Variants in SUMF1 observed in about 807,000 individuals in gnomAD.
The protein encoded by SUMF1 is sulfatase modifying factor 1.
A neutral mutation model predicts 47.6 loss-of-function variants in SUMF1; 48 were observed. That is an observed-to-expected ratio of 1.01 (90% CI 0.80 to 1.28). The LOEUF is 1.28. SUMF1 is among the 50% of genes most tolerant of loss of function. The pLI, the probability that SUMF1 is intolerant of heterozygous loss-of-function variation, is 0.00. For missense variants in SUMF1, 571 were observed against 485.4 expected (o/e 1.18, Z -1.66); for synonymous variants, 230 against 192.1 (o/e 1.20, Z -1.63).
chr3:4,367,437 T>G lies in SUMF1; in HGVS notation c.1015-5183A>C, dbSNP rs1330180260. The stretch of plus-strand genomic sequence containing the variant: ...AAGGTAATTTATAGATTCAATGCCA[T>G]CCCCATCAAGCTACCAATGACTTTC... On this transcript the variant is annotated intron_variant, in intron 8 of 8. Coordinates refer to ENST00000272902, the MANE Select transcript of SUMF1 (RefSeq NM_182760.4). Among the ~76,000 whole-genome samples, 5 of 152,014 alleles carry G rather than the reference T, an allele frequency of 3.3e-5. No individual in the cohort carries two copies. In the South Asian group the frequency reaches 1.0e-3, roughly 31 times the overall value.
At chr3:4,313,657 T>G in intron 8 of SUMF1, 1 of 1,614,074 alleles carries the variant, frequency 6.2e-7, no homozygotes, top group Non-Finnish European at 8.5e-7. Context: ...TTCTCTGTAC[T>G]GCCCCGTAGA....
At chr3:4,147,481 C>G (rs1694222464) in intron 8 of SUMF1, among the ~76,000 whole-genome samples, 1 of 152,058 alleles carries the variant, frequency 6.6e-6, no homozygotes, top group African/African-American at 2.4e-5. Context: ...GGTGAGAAAT[C>G]TGAATCTTAG....
chr3:4,280,957 C>G (rs531102175), intron 8 of SUMF1, among the ~76,000 whole-genome samples: 1 of 151,960 alleles, frequency 6.6e-6, no homozygotes, highest in Admixed American at 6.6e-5. Context: ...AACCTGATCA[C>G]CTGCAAAGAC....
chr3:4,335,532 A>C (rs1041212370), intron 8 of SUMF1, among the ~76,000 whole-genome samples: 6 of 152,128 alleles, frequency 3.9e-5, no homozygotes, highest in Admixed American at 6.5e-5. Context: ...AACTCCCATA[A>C]AGGAGTTCTG....
intron 8 of SUMF1, among the ~76,000 whole-genome samples, chr3:4,228,050 T>C (rs962185920): frequency 1.3e-5 from 2 of 151,512 alleles, no homozygotes; most frequent in African/African-American, 4.9e-5. Context: ...TGGGAAAGAG[T>C]TTCCTGCAGG....
chr3:4,247,756 A>G (rs2125004986), intron 8 of SUMF1, among the ~76,000 whole-genome samples: 1 of 152,352 alleles, frequency 6.6e-6, no homozygotes, highest in Admixed American at 6.5e-5. Flanking sequence ...GAAGAATACA[A>G]GCAGAAAAAT....
Position 4,086,892 on chromosome 3 carries a change from C to T in SUMF1, c.1015-18147G>A, listed in dbSNP as rs555331310. On this transcript the variant is annotated intron_variant and NMD_transcript_variant, in intron 8 of 12. Transcript: ENST00000448413. The stretch of plus-strand genomic sequence containing the variant: ...GCTGCCACATAAGACATGCCTCTTG[C>T]CTTCCACCATGATTATGAGGCCTCC... Among the ~76,000 whole-genome samples the T allele has an allele frequency of 3.3e-5, 5 of 152,186 alleles. No individual in the cohort carries two copies. In the South Asian group the frequency reaches 1.0e-3, roughly 32 times the overall value.
chr3:4,136,602 A>G (rs1693938360), intron 8 of SUMF1, among the ~76,000 whole-genome samples: 2 of 152,082 alleles, frequency 1.3e-5, no homozygotes, highest in Admixed American at 1.3e-4. Context: ...AATGGCAACA[A>G]AAGCCAAAAT....
chr3:4,436,163 T>C (rs1171944055), intron 3 of SUMF1, among the ~76,000 whole-genome samples: 1 of 152,096 alleles, frequency 6.6e-6, no homozygotes, highest in African/African-American at 2.4e-5. Flanking sequence ...TGTATGAGTA[T>C]TGCAAGAAAA....
chr3:4,457,567 G>T (rs1393079689), intron 1 of SUMF1, among the ~76,000 whole-genome samples: 1 of 152,146 alleles, frequency 6.6e-6, no homozygotes, highest in East Asian at 1.9e-4. Flanking sequence ...GAACAGGATA[G>T]AGAGTCCAGA....
intron 8 of SUMF1, among the ~76,000 whole-genome samples, chr3:4,335,827 G>A (rs1699135339): frequency 6.6e-6 from 1 of 151,906 alleles, no homozygotes; most frequent in African/African-American, 2.4e-5. Flanking sequence ...CAGTGTGGTG[G>A]CGGGCACATG....
At chr3:4,252,614 C>T (rs1351466189) in intron 8 of SUMF1, among the ~76,000 whole-genome samples, 3 of 151,980 alleles carry the variant, frequency 2.0e-5, no homozygotes, top group African/African-American at 7.3e-5. Flanking sequence ...AGAGAGAGAA[C>T]AAAAAACTAG....
chr3:4,148,900 C>A lies in SUMF1; in HGVS notation c.1015-80155G>T, dbSNP rs112747864. Among the ~76,000 whole-genome samples, 4 of 152,238 alleles carry A rather than the reference C, an allele frequency of 2.6e-5. 1 individual carries two copies. The highest frequency in any genetic ancestry group is 2.1e-4 in the South Asian group (1 of 4,822). On this transcript the variant is annotated intron_variant and NMD_transcript_variant, in intron 8 of 12. Transcript: ENST00000448413. ...TGCGTTTACTTACCCAAATTCAATTCTACATGCTGTAAGTTCAAAAAGAGA... is the reference window on the plus strand; with the variant it reads ...TGCGTTTACTTACCCAAATTCAATTATACATGCTGTAAGTTCAAAAAGAGA...
chr3:4,297,608 C>A (rs188533622), intron 8 of SUMF1, among the ~76,000 whole-genome samples: 1 of 136,776 alleles, frequency 7.3e-6, no homozygotes, highest in African/African-American at 2.8e-5. Flanking sequence ...GGCTACGTTG[C>A]CCAAGCTTGC....
intron 8 of SUMF1, among the ~76,000 whole-genome samples, chr3:4,202,894 T>C (rs1695570786): frequency 1.3e-5 from 2 of 151,988 alleles, no homozygotes; most frequent in Admixed American, 6.6e-5. Flanking sequence ...CCAAAGTTCC[T>C]CTTCCTATTG....
intron 8 of SUMF1, among the ~76,000 whole-genome samples, chr3:4,312,685 G>A (rs1698453361): frequency 7.0e-6 from 1 of 142,990 alleles, no homozygotes; most frequent in Non-Finnish European, 1.5e-5. Flanking sequence ...CTGTGCAACA[G>A]AGCAAGACCC....
At position 4,281,346 on chromosome 3, in the gene SUMF1, TGA is replaced by T. The variant is rs1045152796; in HGVS notation, c.1014+94982_1014+94983del. On this transcript the variant is annotated intron_variant and NMD_transcript_variant, in intron 8 of 12. Transcript: ENST00000448413. Reference sequence around the variant, plus strand: ...ATGGTGGAGAGGGTTGATTTCACTGTGAGAGAGAGAGAAAAAGCCAGAGAAAA... The same window carrying T: ...ATGGTGGAGAGGGTTGATTTCACTGTGAGAGAGAGAAAAAGCCAGAGAAAA... Among the ~76,000 whole-genome samples, 51 of 152,014 alleles carry T rather than the reference TGA, an allele frequency of 3.4e-4. 2 individuals carry two copies. Among genetic ancestry groups the T allele is most frequent in the Middle Eastern group, 3.4e-3 (1 of 294 alleles).
chr3:4,315,954 C>A (rs1195204307), intron 8 of SUMF1, among the ~76,000 whole-genome samples: 1 of 146,866 alleles, frequency 6.8e-6, no homozygotes, highest in Admixed American at 7.0e-5. Flanking sequence ...GGCTGAGGTA[C>A]GAGAATCACT....
chr3:4,241,560 T>C (rs186923909), intron 8 of SUMF1, among the ~76,000 whole-genome samples: 3 of 152,274 alleles, frequency 2.0e-5, no homozygotes, highest in African/African-American at 4.8e-5. Context: ...TGAGATCATA[T>C]ATATGAGAGC....
Sources: gnomAD v4.1 joint callset for allele counts (sites outside exome capture counted in the v4.1 genomes callset) on GRCh38, gnomAD v4.1.1 for gene constraint, MANE v1.5 for transcripts, NCBI Gene and HGNC (gene_info 2026-07-23, HGNC 2026-07-21) for gene names.